MIPOL1: variants seen among roughly 807,000 people sequenced by gnomAD.
MIPOL1 encodes mirror-image polydactyly 1.
A neutral mutation model predicts 60.9 loss-of-function variants in MIPOL1; 57 were observed. That is an observed-to-expected ratio of 0.94 (90% CI 0.76 to 1.17). MIPOL1 has a LOEUF of 1.17. MIPOL1 is among the 50% of genes most tolerant of loss of function. The pLI is 0.00. For missense variants in MIPOL1, 551 were observed against 511.6 expected (o/e 1.08, Z -0.74); for synonymous variants, 179 against 168.8 (o/e 1.06, Z -0.47).
chr14:37,247,434 T>C (rs1973356802), intron 2 of MIPOL1, among the ~76,000 whole-genome samples, 194 bp downstream of exon 2: 1 of 152,048 alleles, frequency 6.6e-6, no homozygotes, highest in Non-Finnish European at 1.5e-5. Context: ...GTAATCTATA[T>C]GAATATATAC....
intron 3 of MIPOL1, chr14:37,265,362 T>C (rs2082800816): frequency 6.6e-6 from 1 of 152,154 alleles, no homozygotes; most frequent in African/African-American, 2.4e-5. Context: ...TGTATTCAGA[T>C]CATTAGATGA....
chr14:37,420,445 G>T (rs939540077), intron 10 of MIPOL1, among the ~76,000 whole-genome samples: 1 of 152,048 alleles, frequency 6.6e-6, no homozygotes, highest in Non-Finnish European at 1.5e-5. Flanking sequence ...AAGAAAAACA[G>T]GAAAAATATC....
At chr14:37,408,503 A>T (rs757957278) in intron 10 of MIPOL1, among the ~76,000 whole-genome samples, 12 of 152,016 alleles carry the variant, frequency 7.9e-5, no homozygotes, top group Middle Eastern at 3.2e-3. Flanking sequence ...GGTGGCATGT[A>T]CCTATAGTCC....
intron 11 of MIPOL1, among the ~76,000 whole-genome samples, chr14:37,467,915 G>A (rs1429510612): frequency 1.3e-5 from 2 of 151,990 alleles, no homozygotes; most frequent in African/African-American, 4.8e-5. Flanking sequence ...TTAGCCAGGT[G>A]TGGTGGTGTG....
rs577325402 is a variant in MIPOL1 at position 37,475,292 on chromosome 14, A to C, written c.1032-24616A>C. On this transcript the variant is annotated intron_variant, in intron 11 of 12. Transcript: ENST00000684589. The stretch of plus-strand genomic sequence containing the variant: ...TATTTATTTTCTTATTGTTGATTTT[A>C]AAGAGTTCTTTGTGTATTTTGAATA... Among the ~76,000 whole-genome samples, 4 of 152,270 alleles carry C rather than the reference A, an allele frequency of 2.6e-5. No individual in the cohort carries two copies. The South Asian group carries it at 8.3e-4, about 32-fold the overall frequency.
intron 10 of MIPOL1, among the ~76,000 whole-genome samples, chr14:37,403,147 A>G (rs1171668655): frequency 6.6e-6 from 1 of 152,202 alleles, no homozygotes; most frequent in Non-Finnish European, 1.5e-5. Context: ...AAATTGAGAA[A>G]TCACAGAATA....
At chr14:37,551,679 T>C (rs1159562617), downstream of MIPOL1, 1 of 151,742 alleles carries the variant, frequency 6.6e-6, no homozygotes, top group Non-Finnish European at 1.5e-5. Context: ...GAGACCATCC[T>C]GGCTAACACG....
At chr14:37,368,330 A>G (rs2092540431) in intron 9 of MIPOL1, among the ~76,000 whole-genome samples, 1 of 131,006 alleles carries the variant, frequency 7.6e-6, no homozygotes, top group Admixed American at 8.5e-5. Context: ...GAGTCTGGTA[A>G]GACTTTTTCT....
intron 11 of MIPOL1, among the ~76,000 whole-genome samples, chr14:37,461,304 G>C (rs948288532): frequency 6.6e-6 from 1 of 152,184 alleles, no homozygotes; most frequent in African/African-American, 2.4e-5. Flanking sequence ...GTGGATGTCA[G>C]TGGGCAAAGA....
chr14:37,470,959 G>A (rs544828143), intron 11 of MIPOL1, among the ~76,000 whole-genome samples: 1 of 152,284 alleles, frequency 6.6e-6, no homozygotes, highest in African/African-American at 2.4e-5. Flanking sequence ...ATGTTGGGAG[G>A]TGGGTGAGGG....
At chr14:37,225,087 A>C (rs901250703) in intron 1 of MIPOL1, among the ~76,000 whole-genome samples, 1 of 152,116 alleles carries the variant, frequency 6.6e-6, no homozygotes, top group African/African-American at 2.4e-5. Context: ...GTGGGTTCCC[A>C]TGGTCTTGGG....
intron 10 of MIPOL1, among the ~76,000 whole-genome samples, chr14:37,418,445 A>G (rs1261858652): frequency 2.6e-5 from 4 of 152,058 alleles, no homozygotes; most frequent in East Asian, 1.9e-4. Context: ...TAACCAACCC[A>G]TTTTTCAATC....
intron 11 of MIPOL1, among the ~76,000 whole-genome samples, chr14:37,437,971 A>G (rs1184323319): frequency 9.9e-5 from 15 of 152,152 alleles, no homozygotes; most frequent in African/African-American, 4.8e-5. Context: ...TGAACACAAT[A>G]TGCAATCATT....
At chr14:37,399,332 C>A (rs1033253160) in intron 10 of MIPOL1, among the ~76,000 whole-genome samples, 8 of 152,156 alleles carry the variant, frequency 5.3e-5, no homozygotes, top group African/African-American at 1.9e-4. Flanking sequence ...GAGATTCCAT[C>A]TTCGTATATG....
chr14:37,405,640 C>T (rs926772148), intron 10 of MIPOL1, among the ~76,000 whole-genome samples: 1 of 152,022 alleles, frequency 6.6e-6, no homozygotes, highest in Admixed American at 6.6e-5. Flanking sequence ...CTGAATAAAA[C>T]TGTTCATAAA....
At chr14:37,254,934 C>T (rs891362455) in intron 3 of MIPOL1, among the ~76,000 whole-genome samples, 2 of 151,732 alleles carry the variant, frequency 1.3e-5, no homozygotes. Flanking sequence ...ACAAACTCTA[C>T]TTTAAATATG....
At chr14:37,297,189 A>G (rs1394840697) in intron 7 of MIPOL1, among the ~76,000 whole-genome samples, 1 of 152,222 alleles carries the variant, frequency 6.6e-6, no homozygotes, top group East Asian at 1.9e-4. Flanking sequence ...ATATAAACAG[A>G]ACCAAAGATA....
At chr14:37,377,871 T>C (rs1340726597) in intron 10 of MIPOL1, among the ~76,000 whole-genome samples, 1 of 151,644 alleles carries the variant, frequency 6.6e-6, no homozygotes, top group African/African-American at 2.4e-5. Context: ...AGTCCAGTAT[T>C]ACTGAAGCAG....
At chr14:37,252,521 AT>A (rs903665897) in intron 3 of MIPOL1, among the ~76,000 whole-genome samples, 1 of 151,756 alleles carries the variant, frequency 6.6e-6, no homozygotes, top group Non-Finnish European at 1.5e-5. Flanking sequence ...AGTAACACAA[AT>A]TTTTTTTAAA....
Sources: gnomAD v4.1 joint callset for allele counts (sites outside exome capture counted in the v4.1 genomes callset) on GRCh38, gnomAD v4.1.1 for gene constraint, MANE v1.5 for transcripts, NCBI Gene and HGNC (gene_info 2026-07-23, HGNC 2026-07-21) for gene names.